The following CDC42BPA variants were observed in gnomAD, a reference collection of about 807,000 sequenced individuals.
CDC42BPA encodes the protein serine/threonine-protein kinase MRCK alpha.
In CDC42BPA, 80 loss-of-function variants were observed where a neutral mutation model predicts 223.5. The observed-to-expected ratio is 0.36, with a 90% CI of 0.30 to 0.43. CDC42BPA has a LOEUF of 0.43. CDC42BPA is among the 20% of genes least tolerant of loss of function. The pLI, the probability that CDC42BPA is intolerant of heterozygous loss-of-function variation, is 1.00. For synonymous variants in CDC42BPA, 694 were observed against 718.6 expected, an observed-to-expected ratio of 0.97 and a Z score of 0.55; for missense variants, 1,743 against 2,099.9, an observed-to-expected ratio of 0.83 and a Z score of 3.32.
chr1:227,309,442 T>C (rs995084200), intron 1 of CDC42BPA, among the ~76,000 whole-genome samples: 7 of 152,208 alleles, frequency 4.6e-5, no homozygotes, highest in African/African-American at 1.7e-4. Flanking sequence ...TATATATAAA[T>C]AGTTGCTGGC....
At chr1:227,091,091 G>T (rs1682989544) in intron 16 of CDC42BPA, among the ~76,000 whole-genome samples, 1 of 152,110 alleles carries the variant, frequency 6.6e-6, no homozygotes, top group Non-Finnish European at 1.5e-5. Context: ...TTGTGAATAT[G>T]AATCAGCTGT....
intron 5 of CDC42BPA, 62 bp from the exon 6 acceptor site, chr1:227,160,698 T>C (rs1663716417): frequency 1.1e-6 from 1 of 935,204 alleles, no homozygotes; most frequent in African/African-American, 1.7e-5. Flanking sequence ...TTTGGTAAGA[T>C]ATTCTTTTTG....
chr1:227,074,944 C>A (rs1679151672), intron 17 of CDC42BPA, among the ~76,000 whole-genome samples: 1 of 152,102 alleles, frequency 6.6e-6, no homozygotes, highest in South Asian at 2.1e-4. Context: ...GCTAACGATA[C>A]AATTATAATT....
At chr1:227,154,386 GA>G (rs1384370487) in intron 6 of CDC42BPA, among the ~76,000 whole-genome samples, 1 of 151,726 alleles carries the variant, frequency 6.6e-6, no homozygotes, top group South Asian at 2.1e-4. Flanking sequence ...CATGGTAAGA[GA>G]AAAAAATAGC....
chr1:227,292,941 C>T (rs937744927), intron 1 of CDC42BPA, among the ~76,000 whole-genome samples: 1 of 152,100 alleles, frequency 6.6e-6, no homozygotes, highest in Non-Finnish European at 1.5e-5. Context: ...CTAAATTGCC[C>T]TCCTTGTTAT....
chr1:227,263,763 G>T (rs1225659223), intron 1 of CDC42BPA, among the ~76,000 whole-genome samples: 1 of 151,872 alleles, frequency 6.6e-6, no homozygotes. Flanking sequence ...TGTATTTTTA[G>T]TAGAGACGGG....
At chr1:227,042,580 G>C (rs1306267020) in intron 23 of CDC42BPA, among the ~76,000 whole-genome samples, 1 of 152,010 alleles carries the variant, frequency 6.6e-6, no homozygotes, top group Non-Finnish European at 1.5e-5. Flanking sequence ...TCAATCTTTA[G>C]GTAATACACA....
intron 34 of CDC42BPA, among the ~76,000 whole-genome samples, chr1:227,013,576 CAGA>C (rs1215773582): frequency 6.6e-6 from 1 of 151,974 alleles, no homozygotes; most frequent in East Asian, 1.9e-4. Context: ...CACCTGATGG[CAGA>C]AGGATACTAA....
intron 11 of CDC42BPA, among the ~76,000 whole-genome samples, chr1:227,127,793 T>C (rs1656147292): frequency 6.6e-6 from 1 of 152,190 alleles, no homozygotes; most frequent in South Asian, 2.1e-4. Flanking sequence ...AACTAAGATC[T>C]CCATATATTT....
At chr1:227,041,613 TA>T (rs1206809629) in intron 23 of CDC42BPA, among the ~76,000 whole-genome samples, 9 of 152,232 alleles carry the variant, frequency 5.9e-5, no homozygotes, top group South Asian at 2.1e-4. Flanking sequence ...CAAAAGAAAT[TA>T]AAAAAATAGA....
chr1:227,030,229 G>A (rs1235823729), intron 29 of CDC42BPA, among the ~76,000 whole-genome samples, 179 bp downstream of exon 29: 1 of 151,924 alleles, frequency 6.6e-6, no homozygotes, highest in Non-Finnish European at 1.5e-5. Context: ...TTAAACCTCA[G>A]GGGGATTATA....
intron 10 of CDC42BPA, among the ~76,000 whole-genome samples, chr1:227,138,391 T>C (rs1659035193): frequency 6.6e-6 from 1 of 151,880 alleles, no homozygotes; most frequent in African/African-American, 2.4e-5. Context: ...CCTCATTCAA[T>C]TAGAGACTTG....
At chr1:227,084,868 TGA>T (rs144089161) in intron 16 of CDC42BPA, among the ~76,000 whole-genome samples, 42,974 of 151,520 alleles carry the variant, frequency 0.28, 6,287 homozygotes, top group African/African-American at 0.35. Context: ...ATTGGGAGAG[TGA>T]GAGAAGAACC....
Position 227,317,584 on chromosome 1 carries a change from G to T in CDC42BPA, c.-402C>A. ...GCAACGTAATCCTGAAACGAATCCG[G>T]TTGCATCATTAATGAATAAAGTCCG... On this transcript the variant is annotated 5_prime_UTR_variant, in exon 1 of 37. Transcript: ENST00000366766. The T allele has an allele frequency of 2.5e-6, 1 of 397,686 alleles. No individual in the cohort carries two copies. Among genetic ancestry groups the T allele is most frequent in the Non-Finnish European group, 4.4e-6 (1 of 226,006 alleles). The allele number at this position is 397,686 out of a possible 1,614,324, so 24.6% of individuals were successfully genotyped here.
intron 25 of CDC42BPA, among the ~76,000 whole-genome samples, chr1:227,035,256 C>G (rs1010621991): frequency 1.3e-5 from 2 of 152,066 alleles, no homozygotes; most frequent in African/African-American, 2.4e-5. Flanking sequence ...AAGATAGGAA[C>G]AATATGGAAA....
chr1:227,263,540 T>C (rs1365968852), intron 1 of CDC42BPA, among the ~76,000 whole-genome samples: 1 of 152,014 alleles, frequency 6.6e-6, no homozygotes, highest in African/African-American at 2.4e-5. Context: ...ATGCCCACTA[T>C]ACAAGACAAA....
intron 1 of CDC42BPA, among the ~76,000 whole-genome samples, chr1:227,283,705 C>G (rs1688362513): frequency 6.6e-6 from 1 of 152,078 alleles, no homozygotes; most frequent in Non-Finnish European, 1.5e-5. Context: ...GGAAGCCCAA[C>G]CCCCCACCAT....
In CDC42BPA at chr1:227,092,700, A is replaced by C. The variant is rs73096894; in HGVS notation, c.2250-709T>G. The stretch of plus-strand genomic sequence containing the variant: ...TTTATGAGTTCAGAAATTTTAAAAA[A>C]TTTACTTCGAAATAATTTCATTATT... On this transcript the variant is annotated intron_variant, in intron 15 of 36. Transcript: ENST00000366766. Among the ~76,000 whole-genome samples the C allele has an allele frequency of 9.2e-3, 1,399 of 152,332 alleles. 24 individuals are homozygous for C. Among genetic ancestry groups the C allele is most frequent in the African/African-American group, 0.032 (1,336 of 41,578 alleles).
Position 227,034,770 on chromosome 1 carries a change from TC to T in CDC42BPA, c.3360del (p.Trp1123GlyfsTer7). The T allele has an allele frequency of 6.2e-7, 1 of 1,610,896 alleles. No individual in the cohort carries two copies. The highest frequency in any genetic ancestry group is 8.5e-7 in the Non-Finnish European group (1 of 1,178,622). On this transcript the variant is annotated frameshift_variant, in exon 26 of 37. Transcript: ENST00000366766. LOFTEE classifies it high-confidence loss of function. ...ATAGCCAGTGCTCTCTGCCACCCTT[TC>T]TTCACTCCAGCTGGCTTAGGAATCT... ...HVRIPKPAGV[K>X]KGWQRALAIV...
Sources: allele counts gnomAD v4.1 joint callset (sites outside exome capture counted in the v4.1 genomes callset), GRCh38; gene constraint gnomAD v4.1.1; transcripts MANE v1.5; gene names NCBI Gene and HGNC (gene_info 2026-07-23, HGNC 2026-07-21).